IRF2: variants seen among roughly 807,000 people sequenced by gnomAD.
The protein encoded by IRF2 is interferon regulatory factor 2.
IRF2 carries 15 observed loss-of-function variants against 40.6 expected under a neutral mutation model. That is an observed-to-expected ratio of 0.37 (90% confidence interval 0.25 to 0.57). The LOEUF (loss-of-function observed/expected upper bound fraction) is 0.57. Ranked by LOEUF, IRF2 falls within the 20% of genes least tolerant of loss-of-function variation. The probability of loss-of-function intolerance (pLI) is 0.77; values close to 1 mark genes in which losing one functional copy is unlikely to be tolerated. For synonymous variants in IRF2, 151 were observed against 165.5 expected, an observed-to-expected ratio of 0.91 and a Z score of 0.67; for missense variants, 317 against 455.7, an observed-to-expected ratio of 0.70 and a Z score of 2.77.
At position 184,462,442 on chromosome 4, in the gene IRF2, C is replaced by G. The variant is rs188087822; in HGVS notation, c.-7+11937G>C. Among the ~76,000 whole-genome samples, 1,319 of 152,236 alleles carry G rather than the reference C, an allele frequency of 8.7e-3. 10 individuals carry two copies. Among genetic ancestry groups the G allele is most frequent in the Non-Finnish European group, 0.013 (901 of 67,990 alleles). On this transcript the variant is annotated intron_variant, in intron 1 of 8. Transcript: ENST00000393593. ...GTTGCTTCAACCCAACAATTACAGTCAAAGAGAACAAATGAAGGCAACTGT... is the reference window on the plus strand; with the variant it reads ...GTTGCTTCAACCCAACAATTACAGTGAAAGAGAACAAATGAAGGCAACTGT...
chr4:184,407,445 G>C lies in IRF2; in HGVS notation c.529+713C>G, dbSNP rs1051556152. Reference sequence around the variant, plus strand: ...TTGTAAAGAGCCTGCATCTTTACAGGGGGTGCAGCTAGCTACATCTGGAAG... The same window carrying C: ...TTGTAAAGAGCCTGCATCTTTACAGCGGGTGCAGCTAGCTACATCTGGAAG... On this transcript the variant is annotated intron_variant, in intron 6 of 8. Transcript: ENST00000393593. Among the ~76,000 whole-genome samples the C allele has an allele frequency of 6.6e-5, 10 of 152,238 alleles. 1 individual carries two copies. Among genetic ancestry groups the C allele is most frequent in the Admixed American group, 6.5e-4 (10 of 15,286 alleles).
intron 7 of IRF2, among the ~76,000 whole-genome samples, chr4:184,395,177 C>T (rs141194849): frequency 0.049 from 7,385 of 151,798 alleles, 193 homozygotes; most frequent in South Asian, 0.074. Context: ...TTTGGGAGGC[C>T]GAAGCGGGTG....
At chr4:184,440,487 T>C (rs567650516) in intron 1 of IRF2, among the ~76,000 whole-genome samples, 98 of 152,370 alleles carry the variant, frequency 6.4e-4, no homozygotes, top group African/African-American at 2.3e-3. Context: ...TCCCACACAG[T>C]GGCCTGGCCA....
intron 1 of IRF2, among the ~76,000 whole-genome samples, chr4:184,453,085 AT>A (rs1323862873): frequency 6.6e-6 from 1 of 152,236 alleles, no homozygotes. Flanking sequence ...GCAGATACAC[AT>A]GTAATATTCT....
intron 1 of IRF2, among the ~76,000 whole-genome samples, chr4:184,457,857 A>G (rs1739000392): frequency 6.6e-6 from 1 of 152,036 alleles, no homozygotes; most frequent in African/African-American, 2.4e-5. Context: ...TCCAAAAAAA[A>G]AAGAAAAAAG....
chr4:184,469,479 C>T (rs574078389), intron 1 of IRF2, among the ~76,000 whole-genome samples: 64 of 152,274 alleles, frequency 4.2e-4, no homozygotes, highest in Middle Eastern at 6.8e-3. Context: ...GGGTTTGAGA[C>T]CAGTCTGGGC....
intron 6 of IRF2, among the ~76,000 whole-genome samples, chr4:184,403,127 T>C (rs2149894571): frequency 6.6e-6 from 1 of 152,286 alleles, no homozygotes; most frequent in South Asian, 2.1e-4. Context: ...TAAGGGACAA[T>C]GGCTTCTCTC....
chr4:184,428,635 A>C (rs1157314923), intron 2 of IRF2: 2 of 442,030 alleles, frequency 4.5e-6, no homozygotes, highest in Non-Finnish European at 9.0e-6. Flanking sequence ...CCAGCTCTAC[A>C]AAAAAATACA....
At chr4:184,445,633 C>A (rs1294600924) in intron 1 of IRF2, among the ~76,000 whole-genome samples, 1 of 140,628 alleles carries the variant, frequency 7.1e-6, no homozygotes, top group Non-Finnish European at 1.5e-5. Context: ...CCAACCTGGG[C>A]GACAGAGTGA....
At position 184,403,569 on chromosome 4, in the gene IRF2, C is replaced by T. The variant is rs376638698; in HGVS notation, c.530-4490G>A. Among the ~76,000 whole-genome samples the T allele has an allele frequency of 1.1e-3, 172 of 152,214 alleles. 1 individual carries two copies. The highest frequency in any genetic ancestry group is 2.0e-3 in the Non-Finnish European group (137 of 68,034). On this transcript the variant is annotated intron_variant, in intron 6 of 8. Transcript: ENST00000393593. Reference sequence around the variant, plus strand: ...GACATGCTGAAACAACCATACAAGACAGAACTACATGACTAATTCAAGGTC... The same window carrying T: ...GACATGCTGAAACAACCATACAAGATAGAACTACATGACTAATTCAAGGTC...
rs77888878 is a variant in IRF2 at position 184,404,654 on chromosome 4, C to T, written c.529+3504G>A. Among the ~76,000 whole-genome samples the T allele has an allele frequency of 7.2e-5, 11 of 152,308 alleles. No individual in the cohort carries two copies. The East Asian group carries it at 1.7e-3, about 24-fold the overall frequency. On this transcript the variant is annotated intron_variant, in intron 6 of 8. Transcript: ENST00000393593. ...ACTTCAGAAGCAGGTCTAGAACCCA[C>T]GCCTTTTGACTTCTAATCTCGTGCT...
At chr4:184,425,428 C>T (rs1031683865) in intron 2 of IRF2, among the ~76,000 whole-genome samples, 5 of 152,388 alleles carry the variant, frequency 3.3e-5, no homozygotes, top group Non-Finnish European at 5.9e-5. Context: ...CCCATGTGCA[C>T]GAGCAATGCC....
chr4:184,420,366 A>T (rs981161587), intron 2 of IRF2, among the ~76,000 whole-genome samples: 6 of 152,220 alleles, frequency 3.9e-5, no homozygotes, highest in African/African-American at 1.4e-4. Context: ...TGTCACAGAA[A>T]CCAAATATCT....
chr4:184,415,927 C>T (rs1024577933), intron 5 of IRF2, among the ~76,000 whole-genome samples: 4 of 152,184 alleles, frequency 2.6e-5, no homozygotes, highest in Non-Finnish European at 5.9e-5. Flanking sequence ...GTAGTAAATA[C>T]GATTCAGTCA....
At chr4:184,390,942 G>C (rs1161169737) in intron 7 of IRF2, among the ~76,000 whole-genome samples, 193 bp from the exon 8 acceptor site, 1 of 152,226 alleles carries the variant, frequency 6.6e-6, no homozygotes, top group Non-Finnish European at 1.5e-5. Context: ...CCAGGCTTGA[G>C]AGCTGTGAGG....
chr4:184,442,088 G>A (rs1039402806), intron 1 of IRF2, among the ~76,000 whole-genome samples: 8 of 152,126 alleles, frequency 5.3e-5, no homozygotes, highest in Non-Finnish European at 7.4e-5. Context: ...GCCAAACATC[G>A]TTCCAGCTCC....
At position 184,388,869 on chromosome 4, in the gene IRF2, A is replaced by G. The variant is rs774877019; in HGVS notation, c.939T>C (p.Leu313=). The G allele has an allele frequency of 3.1e-6, 5 of 1,613,840 alleles. No homozygotes were observed. The African/African-American group carries it at 5.3e-5, about 17-fold the overall frequency. ...SSWPPFQDLP[L]SSSMTPASSS... ...TGGATGCTGGGGTCATGGAGGAAGA[A>G]AGGGGGAGGTCTTGAAAAGGGGGCC... The change falls in exon 9 of 9, where the codon CTT becomes CTC. Residue 313 remains leucine (L), a synonymous_variant. Transcript: ENST00000393593. This position sits in a 1 kb window ranked among gnomAD's most constrained non-coding sequence, Gnocchi z 4.6.
intron 1 of IRF2, among the ~76,000 whole-genome samples, chr4:184,452,201 C>T (rs1007611736): frequency 1.3e-5 from 2 of 152,174 alleles, no homozygotes; most frequent in African/African-American, 2.4e-5. Flanking sequence ...ACAGGGGCAA[C>T]GACAGCAGCA....
chr4:184,467,646 G>C (rs746219108), intron 1 of IRF2, among the ~76,000 whole-genome samples: 1 of 152,206 alleles, frequency 6.6e-6, no homozygotes, highest in African/African-American at 2.4e-5. Flanking sequence ...CCAGGACAGC[G>C]TATTCTGTCT....
Sources: gnomAD v4.1 joint callset for allele counts (sites outside exome capture counted in the v4.1 genomes callset) on GRCh38, gnomAD v4.1.1 for gene constraint, Gnocchi (gnomAD v3.1) non-coding constraint, MANE v1.5 for transcripts, NCBI Gene and HGNC (gene_info 2026-07-23, HGNC 2026-07-21) for gene names.